Variants in GPR39 observed in about 807,000 individuals in gnomAD.
The protein encoded by GPR39 is zinc sensing receptor.
GPR39 carries 23 observed loss-of-function variants against 18.4 expected under a neutral mutation model. That is an observed-to-expected ratio of 1.25 (90% CI 0.90 to 1.77). GPR39 has a LOEUF of 1.77. GPR39 is among the 40% of genes most tolerant of loss of function. The pLI, the probability that GPR39 is intolerant of heterozygous loss-of-function variation, is 0.00. For missense variants in GPR39, 647 were observed against 602.4 expected, an observed-to-expected ratio of 1.07 and a Z score of -0.78; for synonymous variants, 280 against 257.9, an observed-to-expected ratio of 1.09 and a Z score of -0.82.
intron 1 of GPR39, among the ~76,000 whole-genome samples, chr2:132,450,306 A>G (rs1680610291): frequency 6.6e-6 from 1 of 152,204 alleles, no homozygotes; most frequent in African/African-American, 2.4e-5. Context: ...ATGGCCACCA[A>G]CATTGAGCTT....
At chr2:132,471,061 C>A (rs1681021770) in intron 1 of GPR39, among the ~76,000 whole-genome samples, 2 of 152,162 alleles carry the variant, frequency 1.3e-5, no homozygotes, top group African/African-American at 4.8e-5. Flanking sequence ...GATTTCCTTA[C>A]ATGCTAATGT....
At chr2:132,532,430 G>A (rs2104776959) in intron 1 of GPR39, among the ~76,000 whole-genome samples, 1 of 152,232 alleles carries the variant, frequency 6.6e-6, no homozygotes, top group East Asian at 1.9e-4. Context: ...GGAGGAAGTG[G>A]TACCATTCCT....
chr2:132,539,361 C>G (rs1055526994), intron 1 of GPR39, among the ~76,000 whole-genome samples: 2 of 152,094 alleles, frequency 1.3e-5, no homozygotes, highest in Non-Finnish European at 2.9e-5. Context: ...TGCTTGCTCT[C>G]CATAGATCAC....
rs1491227596 is a variant in GPR39, at chr2:132,493,074, C to CACATATATA, written c.856+75177_856+75185dup. 6.5e-4 allele frequency among the ~76,000 whole-genome samples: 3 copies of CACATATATA among 4,638 alleles called. No individual in the cohort carries two copies. In the Non-Finnish European group the frequency reaches 0.02, roughly 31 times the overall value. The allele number at this position is 4,638 out of a possible 152,430, so 3.0% of individuals were successfully genotyped here. A position where few individuals can be genotyped will look rare whatever the true frequency, so the allele number is the denominator to read the frequency against. On this transcript the variant is annotated intron_variant, in intron 1 of 1. Coordinates refer to ENST00000329321, the MANE Select transcript of GPR39 (RefSeq NM_001508.3). ...TACCATATATACACCATATATATAC[C>CACATATATA]ACATATATACCATATATATACACCA... is the stretch of plus-strand genomic sequence containing the variant.
chr2:132,620,639 G>A (rs1342809621), intron 1 of GPR39, among the ~76,000 whole-genome samples: 2 of 152,164 alleles, frequency 1.3e-5, no homozygotes, highest in African/African-American at 4.8e-5. Flanking sequence ...CCCTCCCAGT[G>A]TCTCTTGGGG....
At chr2:132,444,172 A>G (rs116722030) in intron 1 of GPR39, among the ~76,000 whole-genome samples, 5 of 152,168 alleles carry the variant, frequency 3.3e-5, no homozygotes, top group Non-Finnish European at 5.9e-5. Context: ...TAAAATATTT[A>G]TGTGGCCTTC....
At chr2:132,531,041 T>A (rs1679614621) in intron 1 of GPR39, among the ~76,000 whole-genome samples, 2 of 152,248 alleles carry the variant, frequency 1.3e-5, no homozygotes, top group South Asian at 2.1e-4. Flanking sequence ...ATGCTCCAAT[T>A]AAAAGACACA....
chr2:132,615,522 T>C (rs1241536962), intron 1 of GPR39, among the ~76,000 whole-genome samples: 1 of 152,168 alleles, frequency 6.6e-6, no homozygotes, highest in Non-Finnish European at 1.5e-5. Flanking sequence ...GCCTGGGTTG[T>C]GTTAATGCCA....
intron 1 of GPR39, among the ~76,000 whole-genome samples, chr2:132,472,762 C>T (rs538764217): frequency 4.3e-4 from 66 of 152,210 alleles, no homozygotes; most frequent in African/African-American, 1.3e-3. Flanking sequence ...TGTGACTACA[C>T]GCACTTGGCC....
chr2:132,595,417 T>C (rs1204538251), intron 1 of GPR39, among the ~76,000 whole-genome samples: 2 of 152,212 alleles, frequency 1.3e-5, no homozygotes, highest in South Asian at 4.1e-4. Context: ...TTTTGTTTTT[T>C]TCAAGTGGGA....
intron 1 of GPR39, among the ~76,000 whole-genome samples, chr2:132,630,110 A>G (rs1681621672): frequency 6.6e-6 from 1 of 152,218 alleles, no homozygotes; most frequent in Non-Finnish European, 1.5e-5. Context: ...AGACGCAGAC[A>G]TAGACATAGA....
intron 1 of GPR39, among the ~76,000 whole-genome samples, chr2:132,442,711 A>G (rs1303175020): frequency 1.3e-5 from 2 of 152,242 alleles, no homozygotes; most frequent in Non-Finnish European, 2.9e-5. Context: ...CAATAGATTC[A>G]TGTATAATGA....
rs1040045458 is a variant in GPR39 at position 132,526,094 on chromosome 2, C to A, written c.856+108196C>A. ...ACTTACTTGGTGGCAAAACCTGGAC[C>A]AACCTGATATGAGGCTATTTATGGT... is the stretch of plus-strand genomic sequence containing the variant. On this transcript the variant is annotated intron_variant, in intron 1 of 1. Coordinates refer to ENST00000329321, the MANE Select transcript of GPR39 (RefSeq NM_001508.3). Among the ~76,000 whole-genome samples the A allele has an allele frequency of 1.4e-4, 21 of 152,096 alleles. 1 individual carries two copies.
At chr2:132,519,628 A>C (rs1029174050) in intron 1 of GPR39, among the ~76,000 whole-genome samples, 1 of 152,116 alleles carries the variant, frequency 6.6e-6, no homozygotes, top group Non-Finnish European at 1.5e-5. Flanking sequence ...CTTATACACT[A>C]ATGAAATGGG....
intron 1 of GPR39, among the ~76,000 whole-genome samples, chr2:132,514,239 A>G (rs958965521): frequency 6.6e-6 from 1 of 151,976 alleles, no homozygotes; most frequent in African/African-American, 2.4e-5. Flanking sequence ...TTTGATCTTG[A>G]CATCTCCACC....
chr2:132,505,839 C>T (rs4577332), intron 1 of GPR39, among the ~76,000 whole-genome samples: 124,104 of 152,228 alleles, frequency 0.82, 51,561 homozygotes, highest in Middle Eastern at 0.9. Flanking sequence ...TCTTGGCTAT[C>T]GCGAATTGCG....
At chr2:132,620,826 C>T (rs922895873) in intron 1 of GPR39, among the ~76,000 whole-genome samples, 1 of 152,214 alleles carries the variant, frequency 6.6e-6, no homozygotes, top group Non-Finnish European at 1.5e-5. Context: ...AATCTCTACT[C>T]ACCACAAGCT....
intron 1 of GPR39, among the ~76,000 whole-genome samples, chr2:132,583,414 A>T (rs1005921766): frequency 7.1e-6 from 1 of 141,496 alleles, no homozygotes; most frequent in Non-Finnish European, 1.6e-5. Flanking sequence ...AGCTGGGCAC[A>T]TTTAATCTAA....
chr2:132,421,170 A>G (rs1207025952), intron 1 of GPR39, among the ~76,000 whole-genome samples: 1 of 152,174 alleles, frequency 6.6e-6, no homozygotes, highest in Non-Finnish European at 1.5e-5. Flanking sequence ...CTTTCAAGCA[A>G]GTCTTTCCCC....
Sources: allele counts gnomAD v4.1 joint callset (sites outside exome capture counted in the v4.1 genomes callset), GRCh38; gene constraint gnomAD v4.1.1; transcripts MANE v1.5; gene names NCBI Gene and HGNC (gene_info 2026-07-23, HGNC 2026-07-21).